The following GBE1 variants were observed in gnomAD, a reference collection of about 807,000 sequenced individuals.
The protein encoded by GBE1 is 1,4-alpha-glucan-branching enzyme.
In GBE1, 70 loss-of-function variants were observed where a neutral mutation model predicts 88.8. That is an observed-to-expected ratio of 0.79 (90% CI 0.65 to 0.96). The LOEUF (loss-of-function observed/expected upper bound fraction) is 0.96, where lower values mean the gene tolerates loss of function less well. GBE1 is among the 40% of genes least tolerant of loss of function. The probability of loss-of-function intolerance (pLI) is 0.00; values close to 1 mark genes in which losing one functional copy is unlikely to be tolerated. For synonymous variants in GBE1, 284 were observed against 300.1 expected, an observed-to-expected ratio of 0.95 and a Z score of 0.56; for missense variants, 872 against 871.0, an observed-to-expected ratio of 1.00 and a Z score of -0.01.
At chr3:81,553,495 G>A (rs1559643120) in intron 12 of GBE1, among the ~76,000 whole-genome samples, 1 of 150,990 alleles carries the variant, frequency 6.6e-6, no homozygotes, top group Non-Finnish European at 1.5e-5. Flanking sequence ...TACACTCAAA[G>A]ATTTATTAAA....
At chr3:81,749,641 T>A (rs1575776980) in intron 1 of GBE1, among the ~76,000 whole-genome samples, 1 of 152,164 alleles carries the variant, frequency 6.6e-6, no homozygotes, top group South Asian at 2.1e-4. Context: ...GTAAATAAGG[T>A]CTGTAGTTTG....
In GBE1 at chr3:81,755,796, T is replaced by C. The variant is rs527617434; in HGVS notation, c.143+5579A>G. ...GTTTCTCAGGAAGACAGAAAGTAGA[T>C]TGGAGGTTACCAGAGGCTGGGAAGG... is the stretch of plus-strand genomic sequence containing the variant. On this transcript the variant is annotated intron_variant, in intron 1 of 15. Coordinates refer to ENST00000429644, the MANE Select transcript of GBE1 (RefSeq NM_000158.4). 6.6e-5 allele frequency among the ~76,000 whole-genome samples: 10 copies of C among 152,036 alleles called. No individual in the cohort carries two copies. In the East Asian group the frequency reaches 9.7e-4, roughly 15 times the overall value.
chr3:81,575,341 A>C (rs770836076), intron 12 of GBE1, among the ~76,000 whole-genome samples: 6 of 152,170 alleles, frequency 3.9e-5, no homozygotes, highest in Non-Finnish European at 7.4e-5. Flanking sequence ...AGCATAGTAA[A>C]TATTTCACAG....
chr3:81,528,033 A>G (rs1240818087), intron 14 of GBE1, among the ~76,000 whole-genome samples: 1 of 152,078 alleles, frequency 6.6e-6, no homozygotes, highest in Non-Finnish European at 1.5e-5. Context: ...AATACTATGC[A>G]GCCATAACAA....
chr3:81,607,133 G>A (rs1433625473), intron 7 of GBE1, among the ~76,000 whole-genome samples: 1 of 152,128 alleles, frequency 6.6e-6, no homozygotes, highest in African/African-American at 2.4e-5. Context: ...CTCACAAAAT[G>A]ATTTAAAATT....
At chr3:81,633,418 T>C (rs930226825) in intron 7 of GBE1, among the ~76,000 whole-genome samples, 1 of 152,182 alleles carries the variant, frequency 6.6e-6, no homozygotes, top group African/African-American at 2.4e-5. Context: ...GAACTAGTAT[T>C]TGAGCCCAGG....
intron 1 of GBE1, among the ~76,000 whole-genome samples, chr3:81,756,551 G>A (rs1706604592): frequency 1.3e-5 from 2 of 152,146 alleles, no homozygotes; most frequent in Admixed American, 1.3e-4. Context: ...AATCTAGTGG[G>A]GGATACAAAG....
intron 1 of GBE1, among the ~76,000 whole-genome samples, chr3:81,758,406 C>G (rs1185445722): frequency 6.6e-6 from 1 of 152,224 alleles, no homozygotes; most frequent in Non-Finnish European, 1.5e-5. Flanking sequence ...AATGGACTCA[C>G]TGCTAGGCAA....
At chr3:81,720,586 T>C (rs918695746) in intron 1 of GBE1, among the ~76,000 whole-genome samples, 1 of 152,118 alleles carries the variant, frequency 6.6e-6, no homozygotes, top group Non-Finnish European at 1.5e-5. Flanking sequence ...ATTTAAATGT[T>C]ACTGAGCAAC....
intron 12 of GBE1, among the ~76,000 whole-genome samples, chr3:81,568,683 A>G (rs897379226): frequency 1.1e-4 from 16 of 152,148 alleles, no homozygotes; most frequent in African/African-American, 3.6e-4. Context: ...AAAGTTCCCA[A>G]ATGCGTTAAG....
intron 2 of GBE1, among the ~76,000 whole-genome samples, chr3:81,685,307 A>G (rs1705417336): frequency 6.6e-6 from 1 of 152,074 alleles, no homozygotes; most frequent in Non-Finnish European, 1.5e-5. Context: ...CGTGAGAAAG[A>G]CAAGTTTTTT....
intron 12 of GBE1, among the ~76,000 whole-genome samples, chr3:81,552,450 G>A (rs1703284228): frequency 6.6e-6 from 1 of 151,160 alleles, no homozygotes; most frequent in East Asian, 2.0e-4. Flanking sequence ...CCGGAAGGTG[G>A]AGGTTGCAGT....
At chr3:81,520,409 G>A (rs1396632465) in intron 14 of GBE1, among the ~76,000 whole-genome samples, 2 of 151,344 alleles carry the variant, frequency 1.3e-5, no homozygotes, top group African/African-American at 2.4e-5. Flanking sequence ...CACAAAAGAG[G>A]GGCCCTAATA....
At chr3:81,679,612 T>C (rs903285712) in intron 2 of GBE1, among the ~76,000 whole-genome samples, 24 of 152,230 alleles carry the variant, frequency 1.6e-4, no homozygotes, top group African/African-American at 5.8e-4. Context: ...CTTTCATTAT[T>C]GTTCTAGCTG....
At chr3:81,703,909 G>C (rs1171434314) in intron 2 of GBE1, among the ~76,000 whole-genome samples, 1 of 151,934 alleles carries the variant, frequency 6.6e-6, no homozygotes, top group African/African-American at 2.4e-5. Context: ...ATGTGCCTAG[G>C]TTATATGCAA....
chr3:81,565,667 T>C (rs1010838854), intron 12 of GBE1, among the ~76,000 whole-genome samples: 4 of 152,172 alleles, frequency 2.6e-5, no homozygotes, highest in Non-Finnish European at 5.9e-5. Flanking sequence ...GGAAATTTCA[T>C]AATACTGCTG....
chr3:81,679,199 T>C (rs1705303809), intron 2 of GBE1, among the ~76,000 whole-genome samples: 1 of 152,192 alleles, frequency 6.6e-6, no homozygotes, highest in Non-Finnish European at 1.5e-5. Flanking sequence ...TGTGCACAAA[T>C]AGGTGTCCAA....
chr3:81,692,166 C>T (rs904893797), intron 2 of GBE1, among the ~76,000 whole-genome samples: 3 of 152,182 alleles, frequency 2.0e-5, no homozygotes, highest in African/African-American at 7.2e-5. Flanking sequence ...AGTTGGCCAA[C>T]ACATCCTTCT....
At chr3:81,586,933 T>A (rs1479725084) in intron 9 of GBE1, among the ~76,000 whole-genome samples, 2 of 152,034 alleles carry the variant, frequency 1.3e-5, no homozygotes, top group Non-Finnish European at 2.9e-5. Flanking sequence ...GGATTACAGA[T>A]GTCCACCACC....
Sources: gnomAD v4.1 joint callset for allele counts (sites outside exome capture counted in the v4.1 genomes callset) on GRCh38, gnomAD v4.1.1 for gene constraint, MANE v1.5 for transcripts, NCBI Gene and HGNC (gene_info 2026-07-23, HGNC 2026-07-21) for gene names.